Variants in TGS1 observed in about 807,000 individuals in gnomAD.
TGS1 encodes trimethylguanosine synthase 1, also known as trimethylguanosine synthase.
A neutral mutation model predicts 92.2 loss-of-function variants in TGS1; 69 were observed. The observed-to-expected ratio is 0.75, with a 90% CI of 0.62 to 0.91. The LOEUF is 0.91. Ranked by LOEUF, TGS1 falls within the 40% of genes least tolerant of loss-of-function variation. The pLI is 0.00. For missense variants in TGS1, 1,062 were observed against 1,001.2 expected (o/e 1.06, Z -0.82); for synonymous variants, 345 against 338.1 (o/e 1.02, Z -0.22).
At chr8:55,786,050 A>G (rs1443511234) in intron 3 of TGS1, among the ~76,000 whole-genome samples, 159 bp downstream of exon 3, 2 of 152,228 alleles carry the variant, frequency 1.3e-5, no homozygotes, top group Admixed American at 6.5e-5. Flanking sequence ...GAAAGTTGTA[A>G]TATGTCCCAA....
At chr8:55,789,371 A>G (rs1448200652) in intron 4 of TGS1, among the ~76,000 whole-genome samples, 1 of 152,208 alleles carries the variant, frequency 6.6e-6, no homozygotes, top group South Asian at 2.1e-4. Flanking sequence ...ATACTATATT[A>G]AAGGCAAATG....
At chr8:55,812,952 T>TA in intron 11 of TGS1, 88 bp from the exon 12 acceptor site, 1 of 979,026 alleles carries the variant, frequency 1.0e-6, no homozygotes, top group East Asian at 2.5e-5. Context: ...CATTTTGAAA[T>TA]ACATTTGAGT....
intron 10 of TGS1, among the ~76,000 whole-genome samples, chr8:55,809,827 A>T (rs889322295): frequency 6.6e-6 from 1 of 152,224 alleles, no homozygotes; most frequent in Non-Finnish European, 1.5e-5. Flanking sequence ...TGAAAATAGG[A>T]TTAACTGAAT....
At chr8:55,810,276 A>C (rs1803303045) in intron 10 of TGS1, among the ~76,000 whole-genome samples, 1 of 152,240 alleles carries the variant, frequency 6.6e-6, no homozygotes, top group Non-Finnish European at 1.5e-5. Flanking sequence ...GCTAATTATA[A>C]AATTGGAATA....
intron 6 of TGS1, among the ~76,000 whole-genome samples, chr8:55,794,330 G>A (rs1811978197): frequency 6.6e-6 from 1 of 152,046 alleles, no homozygotes; most frequent in African/African-American, 2.4e-5. Context: ...TGCAGGGATT[G>A]CAGGCATGAG....
intron 7 of TGS1, among the ~76,000 whole-genome samples, chr8:55,796,845 G>A (rs902255978): frequency 6.6e-6 from 1 of 151,992 alleles, no homozygotes; most frequent in Non-Finnish European, 1.5e-5. Context: ...ATAAAAATTA[G>A]CCAGGCATGA....
chr8:55,790,681 TAATTTTTTAA>T (rs199808031), intron 5 of TGS1, among the ~76,000 whole-genome samples: 1,555 of 152,226 alleles, frequency 0.01, 10 homozygotes, highest in Admixed American at 0.017. Context: ...CACTCCTGGT[TAATTTTTTAA>T]AATTTTTTAT....
intron 6 of TGS1, among the ~76,000 whole-genome samples, chr8:55,795,280 G>A (rs1033432997): frequency 6.6e-6 from 1 of 152,098 alleles, no homozygotes; most frequent in African/African-American, 2.4e-5. Context: ...TAAAAGAGAA[G>A]GATAAAATAT....
chr8:55,822,470 T>C (rs911516256), intron 12 of TGS1, among the ~76,000 whole-genome samples: 1 of 152,110 alleles, frequency 6.6e-6, no homozygotes, highest in Admixed American at 6.5e-5. Context: ...ATTTGAGTTA[T>C]ATCTCAACTC....
intron 12 of TGS1, among the ~76,000 whole-genome samples, chr8:55,817,818 G>A (rs1252260638): frequency 6.6e-6 from 1 of 152,190 alleles, no homozygotes; most frequent in Non-Finnish European, 1.5e-5. Flanking sequence ...CTTGAAAATA[G>A]CCTTTACAAC....
chr8:55,816,849 A>G (rs191892270), intron 12 of TGS1, among the ~76,000 whole-genome samples: 36 of 151,760 alleles, frequency 2.4e-4, no homozygotes, highest in African/African-American at 7.5e-4. Flanking sequence ...AATGGAATTC[A>G]TCTCTATTTT....
intron 4 of TGS1, 40 bp from the exon 5 acceptor site, chr8:55,790,142 C>T (rs755789802): frequency 2.0e-6 from 3 of 1,511,648 alleles, no homozygotes; most frequent in East Asian, 2.3e-5. Context: ...AGTTGTCAAA[C>T]CAAGGGGGAA....
At chr8:55,776,219 G>C (rs560292385) in intron 1 of TGS1, among the ~76,000 whole-genome samples, 1 of 151,962 alleles carries the variant, frequency 6.6e-6, no homozygotes, top group Non-Finnish European at 1.5e-5. Flanking sequence ...ACGTGACTGG[G>C]GGCTGCGTAC....
At chr8:55,800,725 A>G (rs191899133) in intron 8 of TGS1, among the ~76,000 whole-genome samples, 1 of 152,320 alleles carries the variant, frequency 6.6e-6, no homozygotes, top group East Asian at 1.9e-4. Flanking sequence ...TTACTTTGCT[A>G]TTGGTAACAC....
At chr8:55,815,696 G>A (rs553645130) in intron 12 of TGS1, among the ~76,000 whole-genome samples, 20 of 152,146 alleles carry the variant, frequency 1.3e-4, no homozygotes, top group Middle Eastern at 3.4e-3. Flanking sequence ...ATATTTCCAT[G>A]TAAGAGGTGA....
At chr8:55,805,130 A>G (rs2130199695) in intron 10 of TGS1, 94 bp downstream of exon 10, 3 of 842,600 alleles carry the variant, frequency 3.6e-6, no homozygotes, top group South Asian at 2.5e-5. Flanking sequence ...GAGATTTAAT[A>G]TATAATTAAT....
chr8:55,790,404 A>G (rs1270609605), intron 5 of TGS1, 105 bp downstream of exon 5: 4 of 743,662 alleles, frequency 5.4e-6, no homozygotes, highest in Non-Finnish European at 6.9e-6. Flanking sequence ...ACCAGTAATC[A>G]TGTAAGAAGA....
Position 55,786,927 on chromosome 8 carries a change from T to G in TGS1, c.1029T>G (p.Asp343Glu). Reference sequence around the variant, plus strand: ...AATTAGATTCCTGTACAAGTCATGATGGTCATCAACAGCTAAGTGAAGTTA... The same window carrying G: ...AATTAGATTCCTGTACAAGTCATGAGGGTCATCAACAGCTAAGTGAAGTTA... Reference protein sequence around the residue: ...QSQLDSCTSHDGHQQLSEVSS... With the variant: ...QSQLDSCTSHEGHQQLSEVSS... Residue 343 changes from aspartate (D) to glutamate (E), a missense_variant, in exon 4 of 13, where the codon GAT becomes GAG. By Grantham distance (45) the Asp-to-Glu change is conservative (BLOSUM62 2). Coordinates refer to ENST00000260129, the MANE Select transcript of TGS1 (RefSeq NM_024831.8). The G allele has an allele frequency of 6.2e-7, 1 of 1,614,170 alleles. No homozygotes were observed. The highest frequency in any genetic ancestry group is 8.5e-7 in the Non-Finnish European group (1 of 1,180,030).
rs770676783 is a variant in TGS1 at position 55,797,135 on chromosome 8, G to GGTTT, written c.1542+984_1542+987dup. Among the ~76,000 whole-genome samples, 13 of 152,286 alleles carry GGTTT rather than the reference G, an allele frequency of 8.5e-5. No individual in the cohort carries two copies. The East Asian group carries it at 2.3e-3, about 27-fold the overall frequency. ...GACTGGATAATTTTTGAAGGAAAGAGGTTTAATTGACTCACAGTTCTGCAG... is the reference window on the plus strand; with the variant it reads ...GACTGGATAATTTTTGAAGGAAAGAGGTTTGTTTAATTGACTCACAGTTCTGCAG... On this transcript the variant is annotated intron_variant, in intron 7 of 12. Coordinates refer to ENST00000260129, the MANE Select transcript of TGS1 (RefSeq NM_024831.8).
Sources: allele counts gnomAD v4.1 joint callset (sites outside exome capture counted in the v4.1 genomes callset), GRCh38; gene constraint gnomAD v4.1.1; transcripts MANE v1.5; gene names NCBI Gene and HGNC (gene_info 2026-07-23, HGNC 2026-07-21).